Variants in EEA1 observed in about 807,000 individuals in gnomAD.
The protein encoded by EEA1 is early endosome antigen 1.
In EEA1, 111 loss-of-function variants were observed where a neutral mutation model predicts 209.2. The observed-to-expected ratio is 0.53, with a 90% CI of 0.45 to 0.62. The LOEUF is 0.62. Among genes scored for constraint, EEA1 ranks in the 20% least tolerant of loss-of-function variants. EEA1 has a pLI of 0.00. For missense variants in EEA1, 1,343 were observed against 1,530.8 expected, an observed-to-expected ratio of 0.88 and a Z score of 2.05; for synonymous variants, 536 against 540.6, an observed-to-expected ratio of 0.99 and a Z score of 0.12.
chr12:92,877,084 C>T (rs1399318366), intron 2 of EEA1, among the ~76,000 whole-genome samples: 1 of 151,008 alleles, frequency 6.6e-6, no homozygotes, highest in African/African-American at 2.4e-5. Context: ...GCTGGGATTA[C>T]AGGCATGTGC....
intron 9 of EEA1, among the ~76,000 whole-genome samples, chr12:92,849,554 T>A (rs550275379): frequency 6.6e-6 from 1 of 152,342 alleles, no homozygotes; most frequent in Admixed American, 6.5e-5. Flanking sequence ...ATTTTTGGAA[T>A]TAAGTGTTAT....
intron 8 of EEA1, 99 bp downstream of exon 8, chr12:92,852,076 C>T (rs909138950): frequency 3.1e-6 from 3 of 981,674 alleles, no homozygotes; most frequent in African/African-American, 3.4e-5. Context: ...CCTGATTTCA[C>T]TCAAATTATA....
intron 1 of EEA1, among the ~76,000 whole-genome samples, chr12:92,913,295 T>C (rs556519427): frequency 5.9e-5 from 9 of 152,326 alleles, no homozygotes; most frequent in East Asian, 5.8e-4. Context: ...TTTCTCTGAT[T>C]AGCAATGTTG....
At chr12:92,894,495 T>C (rs1453536590) in intron 1 of EEA1, among the ~76,000 whole-genome samples, 10 of 151,952 alleles carry the variant, frequency 6.6e-5, no homozygotes, top group Admixed American at 5.2e-4. Context: ...CTGGGGAAAT[T>C]AAAAGTGCTA....
At chr12:92,796,518 A>C (rs961643776) in intron 21 of EEA1, among the ~76,000 whole-genome samples, 6 of 151,940 alleles carry the variant, frequency 3.9e-5, no homozygotes, top group Non-Finnish European at 5.9e-5. Context: ...AATGTGGAAA[A>C]CTATATATCT....
Position 92,773,169 on chromosome 12 carries a change from T to TC in EEA1, c.*2841dup. ...CATTTTTTTAAAAAAACTCCTATAG[T>TC]CAAACAGGTCATGAATATCAAAATA... On this transcript the variant is annotated 3_prime_UTR_variant, in exon 29 of 29. Transcript: ENST00000322349. 1 of 152,224 alleles carries TC rather than the reference T, an allele frequency of 6.6e-6. No homozygotes were observed. The highest frequency in any genetic ancestry group is 2.4e-5 in the African/African-American group (1 of 41,516). 9.4% of individuals were successfully genotyped at this position (152,224 alleles called of 1,614,324 possible). A position where few individuals can be genotyped will look rare whatever the true frequency, so the allele number is the denominator to read the frequency against.
At chr12:92,920,845 CTCA>C in intron 1 of EEA1, among the ~76,000 whole-genome samples, 1 of 150,536 alleles carries the variant, frequency 6.6e-6, no homozygotes, top group East Asian at 2.0e-4. Context: ...TCGCAACCTA[CTCA>C]TCTGACAAAG....
chr12:92,814,537 A>G (rs1298932079), intron 15 of EEA1, among the ~76,000 whole-genome samples: 2 of 146,388 alleles, frequency 1.4e-5, no homozygotes, highest in Admixed American at 6.9e-5. Context: ...GCATATAAAG[A>G]AAGTTTGGGG....
At chr12:92,913,739 C>A (rs4760504) in intron 1 of EEA1, among the ~76,000 whole-genome samples, 38,387 of 151,930 alleles carry the variant, frequency 0.25, 5,331 homozygotes, top group Non-Finnish European at 0.32. Context: ...CAGCTCACTG[C>A]AACCTCCACC....
chr12:92,802,417 G>C lies in EEA1; in HGVS notation c.2657C>G (p.Ala886Gly). 1 of 1,572,964 alleles carries C rather than the reference G, an allele frequency of 6.4e-7. No individual in the cohort carries two copies. The highest frequency in any genetic ancestry group is 8.5e-7 in the Non-Finnish European group (1 of 1,169,834). The change falls in exon 19 of 29, where the codon GCT (alanine) becomes GGT (glycine). Residue 886 changes from alanine to glycine, a missense_variant. Ala to Gly is a moderately conservative substitution (Grantham distance 60, BLOSUM62 0). Transcript: ENST00000322349. ...TAAACTACTAACCAAGTCTAATATA[G>C]CGGCTTTTCCTTTCTGATTCTCCTT... is the stretch of plus-strand genomic sequence containing the variant. ...FEKENQKGKA[A>G]ILDLEKTCKE...
At chr12:92,884,629 T>G in intron 2 of EEA1, 1 of 1,361,262 alleles carries the variant, frequency 7.3e-7, no homozygotes, top group Non-Finnish European at 1.0e-6. Context: ...GCCAATACTT[T>G]GCCAAACCAT....
chr12:92,888,489 A>G (rs1017430295), intron 2 of EEA1, among the ~76,000 whole-genome samples: 1 of 151,864 alleles, frequency 6.6e-6, no homozygotes, highest in Non-Finnish European at 1.5e-5. Flanking sequence ...AGGCAGGAGA[A>G]TGGCGTGAAC....
At position 92,779,302 on chromosome 12, in the gene EEA1, T is replaced by C. The variant is rs1178440841; in HGVS notation, c.3469-2A>G. 1 of 1,576,216 alleles carries C rather than the reference T, an allele frequency of 6.3e-7. No individual in the cohort carries two copies. Among genetic ancestry groups the C allele is most frequent in the South Asian group, 1.2e-5 (1 of 83,126 alleles). On this transcript the variant is annotated splice_acceptor_variant, in intron 24 of 28. Transcript: ENST00000322349. LOFTEE classifies it high-confidence loss of function. Reference sequence around the variant, plus strand: ...AGCATCTTTAAGATTTGTTATCTCCTGTTGAAAAAGTAGGGCCAAAAATAA... The same window carrying C: ...AGCATCTTTAAGATTTGTTATCTCCCGTTGAAAAAGTAGGGCCAAAAATAA...
At position 92,775,368 on chromosome 12, in the gene EEA1, A is replaced by G. The variant is rs1873613763; in HGVS notation, c.*643T>C. 6.6e-6 allele frequency: 1 copy of G among 151,824 alleles called. No individual in the cohort carries two copies. The highest frequency in any genetic ancestry group is 2.4e-5 in the African/African-American group (1 of 41,438). 9.4% of individuals were successfully genotyped at this position (151,824 alleles called of 1,614,324 possible). A position where few individuals can be genotyped will look rare whatever the true frequency, so the allele number is the denominator to read the frequency against. ...CAGAGGTTTTTATAAAATCCACCCA[A>G]GAAAATTTAATTAATATTGTTAAAA... On this transcript the variant is annotated 3_prime_UTR_variant, in exon 29 of 29. Transcript: ENST00000322349.
intron 2 of EEA1, among the ~76,000 whole-genome samples, chr12:92,889,019 G>T (rs528879054): frequency 3.1e-4 from 47 of 152,148 alleles, no homozygotes; most frequent in African/African-American, 9.2e-4. Context: ...GGGTGTGGTG[G>T]CACGTGCCTG....
At chr12:92,886,192 T>G (rs556649255) in intron 2 of EEA1, among the ~76,000 whole-genome samples, 2,096 of 140,682 alleles carry the variant, frequency 0.015, 47 homozygotes, top group African/African-American at 0.054. Flanking sequence ...AAGATCAAAT[T>G]TGAAAAAAAA....
At chr12:92,918,534 T>C (rs1353227744) in intron 1 of EEA1, among the ~76,000 whole-genome samples, 14 of 131,716 alleles carry the variant, frequency 1.1e-4, no homozygotes, top group Admixed American at 4.6e-4. Context: ...ATAAACATGT[T>C]CTTTGAAACC....
chr12:92,917,262 C>T (rs1237756761), intron 1 of EEA1, among the ~76,000 whole-genome samples: 5 of 125,286 alleles, frequency 4.0e-5, no homozygotes, highest in Non-Finnish European at 5.1e-5. Flanking sequence ...AGATACTCCT[C>T]GAGAAGAGCA....
In EEA1 at chr12:92,791,716, G is replaced by A. The variant is rs575582696; in HGVS notation, c.2968-3667C>T. Among the ~76,000 whole-genome samples, 141 of 152,194 alleles carry A rather than the reference G, an allele frequency of 9.3e-4. 1 individual carries two copies. The highest frequency in any genetic ancestry group is 3.1e-3 in the African/African-American group (129 of 41,540). On this transcript the variant is annotated intron_variant, in intron 21 of 28. Transcript: ENST00000322349. ...CGCTGTCAATATTAGACAGATCAAC[G>A]AGACAGAGGTTAACAAGGATATCCA...
Sources: allele counts gnomAD v4.1 joint callset (sites outside exome capture counted in the v4.1 genomes callset), GRCh38; gene constraint gnomAD v4.1.1; transcripts MANE v1.5; gene names NCBI Gene and HGNC (gene_info 2026-07-23, HGNC 2026-07-21).